The following PLXNA4 variants were observed in gnomAD, a reference collection of about 807,000 sequenced individuals.
PLXNA4 encodes plexin-A4.
A neutral mutation model predicts 191.8 loss-of-function variants in PLXNA4; 44 were observed. That is an observed-to-expected ratio of 0.23 (90% CI 0.18 to 0.29). The LOEUF (loss-of-function observed/expected upper bound fraction) is 0.29. Among genes scored for constraint, PLXNA4 ranks in the 10% least tolerant of loss-of-function variants. The pLI, the probability that PLXNA4 is intolerant of heterozygous loss-of-function variation, is 1.00. For synonymous variants in PLXNA4, 1,082 were observed against 1,009.5 expected, an observed-to-expected ratio of 1.07 and a Z score of -1.36; for missense variants, 1,800 against 2,488.8, an observed-to-expected ratio of 0.72 and a Z score of 5.89.
At chr7:132,523,000 G>C (rs1799250213) in intron 1 of PLXNA4, among the ~76,000 whole-genome samples, 1 of 152,012 alleles carries the variant, frequency 6.6e-6, no homozygotes, top group Non-Finnish European at 1.5e-5. Context: ...CAAGCTCTCG[G>C]GGGCCAAGGG....
At chr7:132,602,905 T>C (rs1356232026) in intron 2 of PLXNA4, among the ~76,000 whole-genome samples, 1 of 152,132 alleles carries the variant, frequency 6.6e-6, no homozygotes, top group Non-Finnish European at 1.5e-5. Context: ...GAAGTGTTAG[T>C]ACAATTCTAT....
At chr7:132,190,090 C>T (rs1181002037) in intron 14 of PLXNA4, among the ~76,000 whole-genome samples, 2 of 152,248 alleles carry the variant, frequency 1.3e-5, no homozygotes, top group East Asian at 1.9e-4. Context: ...CTCTCCTGCT[C>T]ACCACCCACC....
intron 3 of PLXNA4, among the ~76,000 whole-genome samples, chr7:132,359,452 A>G (rs1251675316): frequency 6.6e-6 from 1 of 152,034 alleles, no homozygotes; most frequent in East Asian, 1.9e-4. Flanking sequence ...CCTGACCTCA[A>G]GTGATCTGCC....
intron 2 of PLXNA4, among the ~76,000 whole-genome samples, chr7:132,596,508 A>T (rs1267843544): frequency 6.6e-6 from 1 of 152,252 alleles, no homozygotes; most frequent in East Asian, 1.9e-4. Flanking sequence ...GGAAACACAC[A>T]TACAATGCCA....
chr7:132,395,148 G>A (rs2117013183), intron 3 of PLXNA4, among the ~76,000 whole-genome samples: 1 of 152,324 alleles, frequency 6.6e-6, no homozygotes, highest in East Asian at 1.9e-4. Context: ...GAAATAATGG[G>A]GGAAACACTC....
chr7:132,432,247 T>C (rs1795291894), intron 3 of PLXNA4, among the ~76,000 whole-genome samples: 1 of 152,102 alleles, frequency 6.6e-6, no homozygotes, highest in Non-Finnish European at 1.5e-5. Flanking sequence ...CTTTAGTTAG[T>C]CCTCTCTGCA....
At chr7:132,394,798 T>G (rs1793680075) in intron 3 of PLXNA4, among the ~76,000 whole-genome samples, 1 of 152,254 alleles carries the variant, frequency 6.6e-6, no homozygotes, top group Admixed American at 6.5e-5. Context: ...AGGAAGCTGC[T>G]GGTCCACCCA....
chr7:132,185,504 A>C (rs1796849772), intron 15 of PLXNA4, 41 bp from the exon 16 acceptor site: 1 of 1,579,512 alleles, frequency 6.3e-7, no homozygotes, highest in African/African-American at 1.3e-5. Context: ...CCTGGTGTTG[A>C]GGAGGACAGA....
intron 3 of PLXNA4, among the ~76,000 whole-genome samples, chr7:132,459,868 A>T (rs966608838): frequency 1.3e-5 from 2 of 152,008 alleles, no homozygotes; most frequent in Non-Finnish European, 2.9e-5. Context: ...ATTGGAGTTG[A>T]CTAAATTGTG....
chr7:132,421,857 G>C (rs1017352799), intron 3 of PLXNA4, among the ~76,000 whole-genome samples: 1 of 152,174 alleles, frequency 6.6e-6, no homozygotes, highest in African/African-American at 2.4e-5. Flanking sequence ...TATCGCAGTG[G>C]GAACCCCAGC....
chr7:132,261,332 C>T (rs148414962), intron 4 of PLXNA4, among the ~76,000 whole-genome samples: 1,936 of 152,272 alleles, frequency 0.013, 40 homozygotes, highest in African/African-American at 0.044. Context: ...AATTTGGCAA[C>T]GGACACGAAC....
chr7:132,586,628 C>T lies in PLXNA4; in HGVS notation c.-87+59300G>A, dbSNP rs912320510. The stretch of plus-strand genomic sequence containing the variant: ...ATTAGCCGGGCATCGTGGTGGGCAC[C>T]TGTAGTCCCAGCTACTCAAGAGGCT... On this transcript the variant is annotated intron_variant, in intron 2 of 4. Coordinates refer to the PLXNA4 transcript ENST00000378539. Among the ~76,000 whole-genome samples, 6 of 152,168 alleles carry T rather than the reference C, an allele frequency of 3.9e-5. No individual in the cohort carries two copies. In the South Asian group the frequency reaches 6.2e-4, roughly 16 times the overall value.
chr7:132,548,235 G>A (rs1800393869), intron 1 of PLXNA4, among the ~76,000 whole-genome samples: 1 of 152,154 alleles, frequency 6.6e-6, no homozygotes, highest in Non-Finnish European at 1.5e-5. Context: ...AGAAAGTGGA[G>A]TTCTAGACTC....
At chr7:132,560,296 C>G (rs972389115) in intron 1 of PLXNA4, among the ~76,000 whole-genome samples, 4 of 152,182 alleles carry the variant, frequency 2.6e-5, no homozygotes, top group Non-Finnish European at 4.4e-5. Flanking sequence ...CTATAGCACT[C>G]TGGGTGCTAC....
intron 14 of PLXNA4, among the ~76,000 whole-genome samples, chr7:132,188,993 GGAGA>G (rs1235676896): frequency 3.9e-4 from 14 of 35,566 alleles, no homozygotes; most frequent in East Asian, 3.0e-3. Context: ...GGAAAGGAAA[GGAGA>G]GAGAGAGAGA....
intron 21 of PLXNA4, among the ~76,000 whole-genome samples, chr7:132,170,193 A>G (rs1796242509): frequency 6.6e-6 from 1 of 152,156 alleles, no homozygotes; most frequent in Non-Finnish European, 1.5e-5. Context: ...TAATACTGAT[A>G]TAGATCTAAG....
At chr7:132,225,565 C>T (rs780775033) in intron 8 of PLXNA4, among the ~76,000 whole-genome samples, 46 of 151,964 alleles carry the variant, frequency 3.0e-4, no homozygotes, top group South Asian at 8.3e-4. Flanking sequence ...ATACTTAAGT[C>T]AAACAAAGCT....
chr7:132,173,425 C>G (rs1357070320), intron 21 of PLXNA4, among the ~76,000 whole-genome samples: 1 of 152,114 alleles, frequency 6.6e-6, no homozygotes, highest in Non-Finnish European at 1.5e-5. Context: ...AGAAAAGGTG[C>G]CTTGTCGATG....
chr7:132,291,828 C>T (rs1800903041), intron 4 of PLXNA4, among the ~76,000 whole-genome samples: 1 of 152,162 alleles, frequency 6.6e-6, no homozygotes, highest in Non-Finnish European at 1.5e-5. Flanking sequence ...CAGAGTCTCA[C>T]TAGTCACATA....
Sources: gnomAD v4.1 joint callset for allele counts (sites outside exome capture counted in the v4.1 genomes callset) on GRCh38, gnomAD v4.1.1 for gene constraint, MANE v1.5 for transcripts, NCBI Gene and HGNC (gene_info 2026-07-23, HGNC 2026-07-21) for gene names.